The following GPC5 variants were observed in gnomAD, a reference collection of about 807,000 sequenced individuals.
The protein encoded by GPC5 is glypican 5, also known as glypican-5.
In GPC5, 47 loss-of-function variants were observed where a neutral mutation model predicts 53.9. The observed-to-expected ratio is 0.87, with a 90% CI of 0.69 to 1.11. GPC5 has a LOEUF of 1.11. Ranked by LOEUF, GPC5 falls within the 50% of genes most tolerant of loss-of-function variation. The pLI is 0.00. For missense variants in GPC5, 748 were observed against 713.1 expected, an observed-to-expected ratio of 1.05 and a Z score of -0.56; for synonymous variants, 286 against 263.3, an observed-to-expected ratio of 1.09 and a Z score of -0.84.
At chr13:92,372,583 C>T (rs1395768322) in intron 7 of GPC5, among the ~76,000 whole-genome samples, 1 of 152,078 alleles carries the variant, frequency 6.6e-6, no homozygotes, top group East Asian at 1.9e-4. Flanking sequence ...CGTTGGATTC[C>T]ACTTCCCTTT....
intron 7 of GPC5, among the ~76,000 whole-genome samples, chr13:92,647,890 A>G (rs2139161024): frequency 6.6e-6 from 1 of 152,038 alleles, no homozygotes; most frequent in East Asian, 1.9e-4. Context: ...CATTTTTCAG[A>G]CTCTAATATG....
rs72641467 is a variant in GPC5 at position 91,597,101 on chromosome 13, A to G, written c.326-96086A>G. The stretch of plus-strand genomic sequence containing the variant: ...CAAAGCAGTAAACTTGGGTAATTGT[A>G]AGACTCCAATTGTTTTTTCTCCAGC... On this transcript the variant is annotated intron_variant, in intron 2 of 7. Transcript: ENST00000377067. Among the ~76,000 whole-genome samples the G allele has an allele frequency of 9.0e-3, 1,374 of 152,238 alleles. 21 individuals are homozygous for G. The highest frequency in any genetic ancestry group is 0.05 in the South Asian group (242 of 4,824).
At chr13:92,162,887 TTG>T (rs199829425) in intron 7 of GPC5, among the ~76,000 whole-genome samples, 57 of 152,134 alleles carry the variant, frequency 3.7e-4, no homozygotes, top group African/African-American at 1.3e-3. Context: ...ACTTTAGCAC[TTG>T]TGTGTGTGTG....
At chr13:92,260,067 A>G (rs973978707) in intron 7 of GPC5, among the ~76,000 whole-genome samples, 1 of 152,200 alleles carries the variant, frequency 6.6e-6, no homozygotes, top group African/African-American at 2.4e-5. Context: ...TGTTTCATAC[A>G]TAAGTCAAGC....
chr13:91,855,812 T>A (rs1467470771), intron 5 of GPC5, among the ~76,000 whole-genome samples: 4 of 151,586 alleles, frequency 2.6e-5, no homozygotes, highest in African/African-American at 4.8e-5. Context: ...TTAATTTTAG[T>A]TTTTTATTAT....
At chr13:92,569,165 A>G (rs1198680012) in intron 7 of GPC5, among the ~76,000 whole-genome samples, 1 of 141,632 alleles carries the variant, frequency 7.1e-6, no homozygotes, top group Non-Finnish European at 1.5e-5. Context: ...CCTATGAGTG[A>G]GAACATGCGG....
At chr13:91,650,588 A>G (rs1042990146) in intron 2 of GPC5, among the ~76,000 whole-genome samples, 1 of 152,108 alleles carries the variant, frequency 6.6e-6, no homozygotes, top group African/African-American at 2.4e-5. Flanking sequence ...TTCCTGGAGA[A>G]TATAAAATAT....
At chr13:91,607,679 G>T (rs1257344903) in intron 2 of GPC5, among the ~76,000 whole-genome samples, 1 of 152,160 alleles carries the variant, frequency 6.6e-6, no homozygotes, top group African/African-American at 2.4e-5. Flanking sequence ...CCAAGACGTT[G>T]TTCTTAGCCA....
At chr13:92,441,020 G>A (rs1877532178) in intron 7 of GPC5, among the ~76,000 whole-genome samples, 2 of 152,080 alleles carry the variant, frequency 1.3e-5, no homozygotes, top group African/African-American at 4.8e-5. Context: ...TTATTCCTAT[G>A]ATAGTTTTCT....
intron 6 of GPC5, among the ~76,000 whole-genome samples, chr13:91,937,769 A>G (rs768127722): frequency 4.6e-5 from 7 of 152,128 alleles, no homozygotes; most frequent in Non-Finnish European, 8.8e-5. Flanking sequence ...AGTGGAAGCT[A>G]GAAAGATAAA....
At chr13:92,512,129 C>G (rs1880589249) in intron 7 of GPC5, among the ~76,000 whole-genome samples, 1 of 152,124 alleles carries the variant, frequency 6.6e-6, no homozygotes, top group Non-Finnish European at 1.5e-5. Flanking sequence ...ATGATTTTTG[C>G]CAGTCCAACC....
At chr13:91,997,850 T>A (rs1278916744) in intron 6 of GPC5, among the ~76,000 whole-genome samples, 1 of 152,204 alleles carries the variant, frequency 6.6e-6, no homozygotes, top group Non-Finnish European at 1.5e-5. Flanking sequence ...AGGGAAGTTT[T>A]AATTTGAATT....
chr13:92,553,587 A>C (rs1180528390), intron 7 of GPC5, among the ~76,000 whole-genome samples: 2 of 151,962 alleles, frequency 1.3e-5, no homozygotes, highest in East Asian at 3.9e-4. Context: ...ATAGGGCCGT[A>C]GAAGGTGGAT....
intron 7 of GPC5, among the ~76,000 whole-genome samples, chr13:92,226,953 A>G (rs1348702567): frequency 6.6e-6 from 1 of 152,160 alleles, no homozygotes; most frequent in Non-Finnish European, 1.5e-5. Context: ...AGAAGACCCC[A>G]GAAAGTCCCT....
intron 7 of GPC5, among the ~76,000 whole-genome samples, chr13:92,692,364 G>A (rs1396009162): frequency 6.6e-6 from 1 of 151,958 alleles, no homozygotes; most frequent in Non-Finnish European, 1.5e-5. Context: ...TTGGTAAAAT[G>A]ACTTATTTTC....
intron 5 of GPC5, among the ~76,000 whole-genome samples, chr13:91,848,525 G>T (rs368684274): frequency 6.6e-6 from 1 of 152,170 alleles, no homozygotes; most frequent in African/African-American, 2.4e-5. Flanking sequence ...CTGAAGGGAG[G>T]TGGGCCTATA....
At chr13:92,279,307 T>C (rs1414596662) in intron 7 of GPC5, among the ~76,000 whole-genome samples, 6 of 152,070 alleles carry the variant, frequency 3.9e-5, no homozygotes, top group Non-Finnish European at 8.8e-5. Context: ...TTTCTTAATT[T>C]CTGTGTTTGA....
intron 7 of GPC5, among the ~76,000 whole-genome samples, chr13:92,829,269 G>A (rs9516132): frequency 0.2 from 30,122 of 152,140 alleles, 3,676 homozygotes; most frequent in Non-Finnish European, 0.28. Flanking sequence ...TGATGTGAGA[G>A]ACCAAAGGTA....
At chr13:92,537,792 G>A (rs1881773319) in intron 7 of GPC5, among the ~76,000 whole-genome samples, 1 of 152,044 alleles carries the variant, frequency 6.6e-6, no homozygotes, top group Admixed American at 6.6e-5. Context: ...AAGATACAAA[G>A]TTGACGCTAG....
Sources: allele counts gnomAD v4.1 joint callset (sites outside exome capture counted in the v4.1 genomes callset), GRCh38; gene constraint gnomAD v4.1.1; transcripts MANE v1.5; gene names NCBI Gene and HGNC (gene_info 2026-07-23, HGNC 2026-07-21).